CDC42BPB: variants seen among roughly 807,000 people sequenced by gnomAD.
The protein encoded by CDC42BPB is CDC42 binding protein kinase beta.
Under a neutral mutation model 214.9 loss-of-function variants are expected in CDC42BPB, and 37 were observed. The ratio of observed to expected loss-of-function variants is 0.17; its 90% CI spans 0.13 to 0.23. The LOEUF (loss-of-function observed/expected upper bound fraction) is 0.23, where lower values mean the gene tolerates loss of function less well. Ranked by LOEUF, CDC42BPB falls within the 10% of genes least tolerant of loss-of-function variation. The probability of loss-of-function intolerance (pLI) is 1.00; values close to 1 mark genes in which losing one functional copy is unlikely to be tolerated. For synonymous variants in CDC42BPB, 931 were observed against 884.0 expected (o/e 1.05, Z -0.94); for missense variants, 1,694 against 2,227.0 (o/e 0.76, Z 4.82).
At chr14:103,042,147 T>C (rs1244956453) in intron 1 of CDC42BPB, 1 of 160,700 alleles carries the variant, frequency 6.2e-6, no homozygotes, top group Non-Finnish European at 1.4e-5. Context: ...TAAGTTAAAT[T>C]AGACTTCATC....
At chr14:102,979,108 G>C (rs1893886022) in intron 8 of CDC42BPB, among the ~76,000 whole-genome samples, 1 of 152,156 alleles carries the variant, frequency 6.6e-6, no homozygotes, top group African/African-American at 2.4e-5. Flanking sequence ...TTTCAACAAT[G>C]ACAATACTTT....
In CDC42BPB at chr14:102,974,095, C is replaced by G. The variant is rs367791222; in HGVS notation, c.1562G>C (p.Arg521Pro). 1 of 1,614,086 alleles carries G rather than the reference C, an allele frequency of 6.2e-7. No homozygotes were observed. Among genetic ancestry groups the G allele is most frequent in the Admixed American group, 1.7e-5 (1 of 59,998 alleles). Residue 521 changes from arginine to proline, a missense_variant, in exon 12 of 37, where the codon CGT becomes CCT. Physicochemically the swap from Arg to Pro is moderately radical, Grantham distance 103 (BLOSUM62 -2). This residue lies in a region of CDC42BPB where 462 missense variants were observed against 513.5 expected (regional missense o/e 0.90). Coordinates refer to ENST00000361246, the MANE Select transcript of CDC42BPB (RefSeq NM_006035.4). ...CCGCAGCCGCTGCGTGGAGTCCTCA[C>G]GCTCTTGGCGAAGCGCCACTGTGTC... ...LEDTVALRQE[R>P]EDSTQRLRGL...
At chr14:103,040,871 A>G (rs1455329314) in intron 1 of CDC42BPB, among the ~76,000 whole-genome samples, 1 of 152,246 alleles carries the variant, frequency 6.6e-6, no homozygotes, top group African/African-American at 2.4e-5. Context: ...TACAGATTCA[A>G]TGAAATCCTT....
chr14:102,976,401 C>T (rs1159067040), intron 9 of CDC42BPB, among the ~76,000 whole-genome samples: 3 of 152,264 alleles, frequency 2.0e-5, no homozygotes. Flanking sequence ...GTCAGCGGTA[C>T]GCATGGACCA....
chr14:102,948,867 GGCACACCTGTGCAC>G (rs1892344605), intron 26 of CDC42BPB, among the ~76,000 whole-genome samples: 1 of 152,034 alleles, frequency 6.6e-6, no homozygotes, highest in East Asian at 1.9e-4. Context: ...CCAGGCCAGG[GGCACACCTGTGCAC>G]AGCCAGGGAC....
Position 102,952,616 on chromosome 14 carries a change from A to C in CDC42BPB, c.3067-13T>G, listed in dbSNP as rs1347823480. 6.2e-7 allele frequency: 1 copy of C among 1,611,028 alleles called. No individual in the cohort carries two copies. Among genetic ancestry groups the C allele is most frequent in the African/African-American group, 1.3e-5 (1 of 74,896 alleles). ...GGTGAGCTTTTGGCTGGAAGGAGAA[A>C]ATCAAGAACACTGAGGTGAACCATG... On this transcript the variant is annotated splice_polypyrimidine_tract_variant and intron_variant, in intron 23 of 36. Coordinates refer to ENST00000361246, the MANE Select transcript of CDC42BPB (RefSeq NM_006035.4).
chr14:102,968,700 C>A lies in CDC42BPB; in HGVS notation c.2012G>T (p.Arg671Leu). 6.2e-7 allele frequency: 1 copy of A among 1,613,958 alleles called. No homozygotes were observed. The highest frequency in any genetic ancestry group is 8.5e-7 in the Non-Finnish European group (1 of 1,180,030). ...LEALKVKQGGRGAGATLEHQQ... is the reference protein window; with the variant it reads ...LEALKVKQGGLGAGATLEHQQ... ...GTGCTCTAAGGTGGCACCCGCTCCC[C>A]GGCCTCCTTGCTTCACCTGAAGACA... is the stretch of plus-strand genomic sequence containing the variant. The change falls in exon 15 of 37, where the codon CGG (arginine) becomes CTG (leucine). Residue 671 changes from arginine (R) to leucine (L), a missense_variant. Around this residue, in one of 7 missense-constraint regions of CDC42BPB, gnomAD observed 462 missense variants for 513.5 expected, o/e 0.90. Transcript: ENST00000361246.
chr14:103,010,847 C>T (rs377589557), intron 2 of CDC42BPB, among the ~76,000 whole-genome samples: 57 of 152,166 alleles, frequency 3.7e-4, no homozygotes, highest in African/African-American at 1.3e-3. Context: ...CTGGCTAACA[C>T]GGTGAAACCC....
At chr14:102,949,168 C>T (rs952201313) in intron 26 of CDC42BPB, among the ~76,000 whole-genome samples, 2 of 152,210 alleles carry the variant, frequency 1.3e-5, no homozygotes, top group African/African-American at 4.8e-5. Context: ...ATGCGTTTAC[C>T]TTCACAACAA....
chr14:103,017,080 G>A (rs1050855417), intron 1 of CDC42BPB, among the ~76,000 whole-genome samples: 1 of 152,220 alleles, frequency 6.6e-6, no homozygotes, highest in Non-Finnish European at 1.5e-5. Context: ...CCAGCACTTT[G>A]GGAGGCTGAG....
rs750524089 is a variant in CDC42BPB at position 103,012,048 on chromosome 14, TG to T, written c.267+48del. ...CACAAAAAGGTGAAATGGAAGCTGC[TG>T]ATGTTTTGGCAATTTAGGCAAAGTT... On this transcript the variant is annotated intron_variant, in intron 2 of 36. Transcript: ENST00000361246. The T allele has an allele frequency of 8.6e-6, 10 of 1,168,622 alleles. No homozygotes were observed. In the South Asian group the frequency reaches 1.2e-4, roughly 14 times the overall value. 72.4% of individuals were successfully genotyped at this position (1,168,622 alleles called of 1,614,324 possible).
intron 1 of CDC42BPB, among the ~76,000 whole-genome samples, chr14:103,033,963 A>G (rs1366707014): frequency 1.3e-5 from 2 of 152,176 alleles, no homozygotes; most frequent in Non-Finnish European, 2.9e-5. Context: ...AAGCAGTTTT[A>G]TGAGCTGATA....
At position 102,944,161 on chromosome 14, in the gene CDC42BPB, C is replaced by A. The variant is rs1002396118; in HGVS notation, c.4138G>T (p.Ala1380Ser). The A allele has an allele frequency of 1.2e-6, 2 of 1,613,116 alleles. No individual in the cohort carries two copies. The highest frequency in any genetic ancestry group is 1.7e-6 in the Non-Finnish European group (2 of 1,180,040). Reference protein sequence around the residue: ...IVAPGSVQCLAVLRDRLCVGY... With the variant: ...IVAPGSVQCLSVLRDRLCVGY... ...ACACAGAGCCTGTCCCTGAGCACCG[C>A]CAGGCACTGCACGCTGCCGGGAGCC... Residue 1380 changes from alanine to serine, a missense_variant, in exon 30 of 37, where the codon GCG becomes TCG. Physicochemically the swap from Ala to Ser is moderately conservative, Grantham distance 99 (BLOSUM62 1). Coordinates refer to ENST00000361246, the MANE Select transcript of CDC42BPB (RefSeq NM_006035.4). The surrounding 1 kb of genome is among the most constrained non-coding windows in gnomAD (Gnocchi z 6.6).
chr14:102,938,495 G>A (rs1166267540), intron 34 of CDC42BPB, 84 bp from the exon 35 acceptor site: 6 of 1,479,756 alleles, frequency 4.1e-6, no homozygotes, highest in Non-Finnish European at 5.3e-6. Flanking sequence ...TACGGTGGCT[G>A]TGGCCTCGTG....
intron 5 of CDC42BPB, among the ~76,000 whole-genome samples, chr14:102,994,093 G>C (rs536290725): frequency 5.3e-5 from 8 of 152,184 alleles, no homozygotes; most frequent in Non-Finnish European, 1.0e-4. Context: ...GAGGCGCCGA[G>C]ACACGCCACA....
intron 8 of CDC42BPB, among the ~76,000 whole-genome samples, chr14:102,980,471 G>A (rs1256247454): frequency 1.3e-5 from 2 of 151,862 alleles, no homozygotes; most frequent in Non-Finnish European, 2.9e-5. Flanking sequence ...CCAGCCTGGC[G>A]ACAGAGCAAG....
At chr14:102,952,651 G>A in intron 23 of CDC42BPB, 48 bp from the exon 24 acceptor site, 1 of 1,585,982 alleles carries the variant, frequency 6.3e-7, no homozygotes, top group South Asian at 1.1e-5. Flanking sequence ...GGACTCTTGA[G>A]AGTCAGATCC....
chr14:102,952,879 G>C (rs1449947651), intron 23 of CDC42BPB: 2 of 273,854 alleles, frequency 7.3e-6, no homozygotes, highest in African/African-American at 2.3e-5. Context: ...GAGGGCCGAG[G>C]TGGCATGGCC....
chr14:102,943,691 T>C lies in CDC42BPB; in HGVS notation c.4408+200A>G. The C allele has an allele frequency of 1.7e-6, 1 of 574,152 alleles. No homozygotes were observed. Among genetic ancestry groups the C allele is most frequent in the Non-Finnish European group, 3.0e-6 (1 of 328,430 alleles). The allele number at this position is 574,152 out of a possible 1,614,324, so 35.6% of individuals were successfully genotyped here. ...CCATGTGCTCAGGGAGAGAGGTTGC[T>C]GAGCCCGCCTACTGCTGGTCTGAGA... On this transcript the variant is annotated intron_variant, in intron 30 of 36. Coordinates refer to ENST00000361246, the MANE Select transcript of CDC42BPB (RefSeq NM_006035.4). This position sits in a 1 kb window ranked among gnomAD's most constrained non-coding sequence, Gnocchi z 4.6.
Sources: allele counts gnomAD v4.1 joint callset (sites outside exome capture counted in the v4.1 genomes callset), GRCh38; gene constraint gnomAD v4.1.1; regional missense constraint gnomAD v4.1.1; non-coding constraint Gnocchi (gnomAD v3.1); transcripts MANE v1.5; gene names NCBI Gene and HGNC (gene_info 2026-07-23, HGNC 2026-07-21).